BPIFC: variants seen among roughly 807,000 people sequenced by gnomAD.
The protein encoded by BPIFC is BPI fold containing family C.
Under a neutral mutation model 57.6 loss-of-function variants are expected in BPIFC, and 60 were observed. That is an observed-to-expected ratio of 1.04 (90% CI 0.85 to 1.29). BPIFC has a LOEUF of 1.29. Ranked by LOEUF, BPIFC falls within the 50% of genes most tolerant of loss-of-function variation. The pLI, the probability that BPIFC is intolerant of heterozygous loss-of-function variation, is 0.00. For synonymous variants in BPIFC, 243 were observed against 224.5 expected (o/e 1.08, Z -0.74); for missense variants, 581 against 600.5 (o/e 0.97, Z 0.34).
intron 14 of BPIFC, 89 bp from the exon 15 acceptor site, chr22:32,417,237 G>A (rs1933708104): frequency 1.1e-6 from 1 of 914,232 alleles, no homozygotes; most frequent in African/African-American, 1.8e-5. Context: ...GTGCAGTAGT[G>A]TGATCATGGC....
rs200868839 is a variant in BPIFC, at chr22:32,432,373, G to A, written c.1149C>T (p.Phe383=). 24 of 1,613,906 alleles carry A rather than the reference G, an allele frequency of 1.5e-5. No individual in the cohort carries two copies. Among genetic ancestry groups the A allele is most frequent in the East Asian group, 8.9e-5 (4 of 44,860 alleles). The change falls in exon 12 of 17, where the codon TTC becomes TTT. Residue 383 remains phenylalanine, a splice_region_variant and synonymous_variant. Transcript: ENST00000300399. ...TGCTCCACTGTCTCCCCAGACTTAC[G>A]AAGTCCATGGAAACGATGGTTTCAA... is the stretch of plus-strand genomic sequence containing the variant. The part of the protein sequence containing the change: ...STVETIVSMD[F]VASTSVGLVI...
intron 1 of BPIFC, among the ~76,000 whole-genome samples, chr22:32,462,198 GAAAAAAAAGAA>G (rs1398519063): frequency 4.2e-5 from 5 of 119,080 alleles, no homozygotes; most frequent in Non-Finnish European, 5.4e-5. Context: ...AAAGAAAAAA[GAAAAAAAAGAA>G]AAAAAAAAGA....
chr22:32,421,506 C>T (rs996239458), intron 13 of BPIFC, among the ~76,000 whole-genome samples: 1 of 152,130 alleles, frequency 6.6e-6, no homozygotes, highest in African/African-American at 2.4e-5. Flanking sequence ...TCCCTGTTTC[C>T]ACTATTGACC....
chr22:32,461,772 T>C (rs1935164861), intron 1 of BPIFC, 111 bp from the exon 2 acceptor site: 3 of 356,012 alleles, frequency 8.4e-6, no homozygotes, highest in Non-Finnish European at 1.2e-5. Flanking sequence ...CATTTTAACA[T>C]ATGGCGAGGC....
intron 11 of BPIFC, among the ~76,000 whole-genome samples, chr22:32,432,990 G>A (rs1171711601): frequency 6.6e-6 from 1 of 152,110 alleles, no homozygotes; most frequent in Admixed American, 6.6e-5. Flanking sequence ...ATCACTTGAA[G>A]CCAGGAGTTT....
At chr22:32,464,328 G>T in intron 1 of BPIFC, 46 bp downstream of exon 1, 1 of 928,384 alleles carries the variant, frequency 1.1e-6, no homozygotes, top group Non-Finnish European at 1.3e-6. Context: ...TCTCCAGTTT[G>T]GAGATCATGG....
intron 13 of BPIFC, among the ~76,000 whole-genome samples, chr22:32,428,268 TGC>T (rs568493905): frequency 0.032 from 2,862 of 90,746 alleles, 91 homozygotes; most frequent in African/African-American, 0.11. Context: ...TGTGTGTGTG[TGC>T]GCGCGCGTGT....
intron 4 of BPIFC, among the ~76,000 whole-genome samples, chr22:32,448,571 C>A (rs1446222676): frequency 1.3e-5 from 2 of 152,132 alleles, no homozygotes; most frequent in Admixed American, 1.3e-4. Flanking sequence ...ATTCTCTGGG[C>A]TGTCAAAAGG....
chr22:32,418,394 C>T (rs1041255048), intron 14 of BPIFC, among the ~76,000 whole-genome samples: 6 of 152,164 alleles, frequency 3.9e-5, no homozygotes, highest in East Asian at 1.9e-4. Flanking sequence ...GCACTCTTGA[C>T]GTTTTGGGAT....
At chr22:32,460,675 G>T (rs1159222457) in intron 2 of BPIFC, among the ~76,000 whole-genome samples, 1 of 152,100 alleles carries the variant, frequency 6.6e-6, no homozygotes, top group African/African-American at 2.4e-5. Flanking sequence ...TATCCCTAAG[G>T]CCCATTTAAA....
intron 4 of BPIFC, among the ~76,000 whole-genome samples, chr22:32,447,620 T>C (rs180966198): frequency 2.6e-5 from 4 of 151,572 alleles, no homozygotes; most frequent in Admixed American, 1.3e-4. Flanking sequence ...TTTTTTTTTT[T>C]TTTTGAGACA....
intron 8 of BPIFC, among the ~76,000 whole-genome samples, chr22:32,440,323 A>G (rs973604016): frequency 6.6e-6 from 1 of 152,020 alleles, no homozygotes; most frequent in East Asian, 2.0e-4. Flanking sequence ...TTTTTTTTAT[A>G]TAGAAACAAG....
chr22:32,432,396 C>G lies in BPIFC; in HGVS notation c.1126G>C (p.Glu376Gln). ...MLTQPKNSTVETIVSMDFVAS... is the reference protein window; with the variant it reads ...MLTQPKNSTVQTIVSMDFVAS... ...ACGAAGTCCATGGAAACGATGGTTT[C>G]AACTGTGGAGTTCTTGGGTTGGGTG... Residue 376 changes from glutamate (E) to glutamine (Q), a missense_variant, in exon 12 of 17, where the codon GAA becomes CAA. Transcript: ENST00000300399. 1 of 1,614,072 alleles carries G rather than the reference C, an allele frequency of 6.2e-7. No homozygotes were observed. The highest frequency in any genetic ancestry group is 2.2e-5 in the East Asian group (1 of 44,866).
chr22:32,439,925 T>G (rs998167287), intron 8 of BPIFC, among the ~76,000 whole-genome samples: 2 of 151,914 alleles, frequency 1.3e-5, no homozygotes, highest in African/African-American at 4.8e-5. Context: ...ATTGCCACAG[T>G]TTTTAAAATA....
Position 32,464,377 on chromosome 22 carries a change from A to G in BPIFC, c.-92T>C. The stretch of plus-strand genomic sequence containing the variant: ...GAAGTTTGTTCATGAGTCTTACCTC[A>G]AGCAGAGGAAGTGTCCAAAGCTGGA... On this transcript the variant is annotated 5_prime_UTR_variant, in exon 1 of 17. Transcript: ENST00000300399. The G allele has an allele frequency of 4.1e-6, 4 of 985,150 alleles. No individual in the cohort carries two copies. The highest frequency in any genetic ancestry group is 4.8e-6 in the Non-Finnish European group (4 of 829,766). The allele number at this position is 985,150 out of a possible 1,614,324, so 61.0% of individuals were successfully genotyped here.
chr22:32,436,624 C>T (rs768437483), intron 9 of BPIFC, among the ~76,000 whole-genome samples: 37 of 152,088 alleles, frequency 2.4e-4, no homozygotes, highest in Non-Finnish European at 4.4e-4. Flanking sequence ...GGGTGTAACC[C>T]AATGAGAACC....
At position 32,433,190 on chromosome 22, in the gene BPIFC, G is replaced by A. The variant is rs375718861; in HGVS notation, c.978+529C>T. 1.1e-4 allele frequency among the ~76,000 whole-genome samples: 17 copies of A among 152,286 alleles called. No individual in the cohort carries two copies. The East Asian group carries it at 1.4e-3, about 12-fold the overall frequency. On this transcript the variant is annotated intron_variant, in intron 11 of 16. Coordinates refer to ENST00000300399, the MANE Select transcript of BPIFC (RefSeq NM_174932.3). ...TGCACTCCAGCCTGGATGACAGAGC[G>A]AGACCCTGTCTCAAAAAACAAACAA...
At chr22:32,464,274 A>G in intron 1 of BPIFC, 100 bp downstream of exon 1, 1 of 401,498 alleles carries the variant, frequency 2.5e-6, no homozygotes, top group Non-Finnish European at 3.4e-6. Context: ...AACCCAGGAT[A>G]TATGACAGCT....
chr22:32,415,932 C>T lies in BPIFC; in HGVS notation c.1384G>A (p.Asp462Asn), dbSNP rs1211185577. ...ATTCTTACCTCAAGAACTTCAATAT[C>T]TGAATTGACGAATAAGAATTTGTGT... ...NPHKFLFVNS[D>N]IEVLEGFLLI... Residue 462 changes from aspartate to asparagine, a missense_variant, in exon 16 of 17, where the codon GAT becomes AAT. Physicochemically the swap from Asp to Asn is conservative, Grantham distance 23. Transcript: ENST00000300399. 2 of 1,590,304 alleles carry T rather than the reference C, an allele frequency of 1.3e-6. No homozygotes were observed. Among genetic ancestry groups the T allele is most frequent in the Admixed American group, 3.6e-5 (2 of 55,450 alleles).
Sources: allele counts gnomAD v4.1 joint callset (sites outside exome capture counted in the v4.1 genomes callset), GRCh38; gene constraint gnomAD v4.1.1; transcripts MANE v1.5; gene names NCBI Gene and HGNC (gene_info 2026-07-23, HGNC 2026-07-21).